Variants in SKA2 observed in about 807,000 individuals in gnomAD.
SKA2 encodes spindle and kinetochore-associated protein 2.
Under a neutral mutation model 16.9 loss-of-function variants are expected in SKA2, and 13 were observed. That is an observed-to-expected ratio of 0.77 (90% CI 0.50 to 1.22). The LOEUF (loss-of-function observed/expected upper bound fraction) is 1.22. SKA2 is among the 50% of genes most tolerant of loss of function. The pLI, the probability that SKA2 is intolerant of heterozygous loss-of-function variation, is 0.00. For missense variants in SKA2, 107 were observed against 139.7 expected (o/e 0.77, Z 1.18); for synonymous variants, 47 against 48.5 (o/e 0.97, Z 0.13).
chr17:59,154,715 T>C (rs149165798), intron 1 of SKA2, among the ~76,000 whole-genome samples: 2,122 of 152,332 alleles, frequency 0.014, 64 homozygotes, highest in African/African-American at 0.049. Flanking sequence ...CCCGTCAGTT[T>C]ATTCCCCACC....
intron 2 of SKA2, among the ~76,000 whole-genome samples, chr17:59,130,277 T>C (rs1222551854): frequency 6.6e-6 from 1 of 151,840 alleles, no homozygotes; most frequent in Non-Finnish European, 1.5e-5. Context: ...TTTTTTTAAC[T>C]GTAAAATGCA....
intron 1 of SKA2, among the ~76,000 whole-genome samples, chr17:59,133,350 T>C (rs558639096): frequency 1.2e-4 from 18 of 152,316 alleles, no homozygotes; most frequent in African/African-American, 4.3e-4. Flanking sequence ...CCTTAAAGCA[T>C]ATATTGCCTC....
intron 1 of SKA2, among the ~76,000 whole-genome samples, chr17:59,148,609 G>A (rs2046552019): frequency 6.6e-6 from 1 of 151,708 alleles, no homozygotes; most frequent in African/African-American, 2.4e-5. Flanking sequence ...CTGTAGAGAT[G>A]AGGGGGTTTT....
chr17:59,142,795 T>A lies in SKA2; in HGVS notation c.34-11428A>T, dbSNP rs181496319. ...TACAAAAATTAGTCAGGTGTGGTGGTGGGCACCTGTAATCCCAGCTACTCG... is the reference window on the plus strand; with the variant it reads ...TACAAAAATTAGTCAGGTGTGGTGGAGGGCACCTGTAATCCCAGCTACTCG... On this transcript the variant is annotated intron_variant, in intron 1 of 3. Transcript: ENST00000330137. Among the ~76,000 whole-genome samples, 64 of 151,208 alleles carry A rather than the reference T, an allele frequency of 4.2e-4. No individual in the cohort carries two copies. The East Asian group carries it at 7.1e-3, about 17-fold the overall frequency.
intron 2 of SKA2, among the ~76,000 whole-genome samples, chr17:59,127,536 G>A (rs2046379936): frequency 6.6e-6 from 1 of 151,930 alleles, no homozygotes; most frequent in Non-Finnish European, 1.5e-5. Context: ...TTACAGGCTC[G>A]TGCCACCACG....
At chr17:59,115,930 C>A (rs1448476793) in intron 3 of SKA2, among the ~76,000 whole-genome samples, 1 of 151,974 alleles carries the variant, frequency 6.6e-6, no homozygotes, top group Admixed American at 6.6e-5. Flanking sequence ...CATAGAATAC[C>A]ACATATTCTA....
At chr17:59,132,918 G>A (rs963450154) in intron 1 of SKA2, among the ~76,000 whole-genome samples, 1 of 152,170 alleles carries the variant, frequency 6.6e-6, no homozygotes, top group African/African-American at 2.4e-5. Flanking sequence ...GCCTCTTTTT[G>A]TAAAAGAGAT....
At chr17:59,124,732 T>C (rs1568303667) in intron 2 of SKA2, among the ~76,000 whole-genome samples, 2 of 151,674 alleles carry the variant, frequency 1.3e-5, no homozygotes, top group South Asian at 2.1e-4. Context: ...TAAATGGCCA[T>C]AGAGCTAAAA....
At chr17:59,130,873 C>T (rs2147806480) in intron 2 of SKA2, among the ~76,000 whole-genome samples, 1 of 152,190 alleles carries the variant, frequency 6.6e-6, no homozygotes, top group Admixed American at 6.5e-5. Flanking sequence ...CTAGAAATCA[C>T]TATTCATAAA....
chr17:59,144,674 G>C (rs2046518441), intron 1 of SKA2, among the ~76,000 whole-genome samples: 1 of 152,082 alleles, frequency 6.6e-6, no homozygotes, highest in Non-Finnish European at 1.5e-5. Flanking sequence ...ATAATAAAAA[G>C]ACAAATACTG....
At position 59,112,727 on chromosome 17, in the gene SKA2, G is replaced by A. The variant is rs1017613515; in HGVS notation, c.298-382C>T. On this transcript the variant is annotated intron_variant, in intron 3 of 3. Coordinates refer to ENST00000330137, the MANE Select transcript of SKA2 (RefSeq NM_182620.4). Reference sequence around the variant, plus strand: ...GCTCAAGTCCCTTATATAAAACTGCGTAGTATTTGCATAGAAACTATACAT... The same window carrying A: ...GCTCAAGTCCCTTATATAAAACTGCATAGTATTTGCATAGAAACTATACAT... 5.9e-5 allele frequency among the ~76,000 whole-genome samples: 9 copies of A among 152,028 alleles called. No individual in the cohort carries two copies. The South Asian group carries it at 6.2e-4, about 11-fold the overall frequency.
intron 1 of SKA2, among the ~76,000 whole-genome samples, chr17:59,146,842 T>A (rs770419148): frequency 7.9e-5 from 12 of 152,274 alleles, no homozygotes; most frequent in Middle Eastern, 3.4e-3. Flanking sequence ...TGTTTTTACT[T>A]TTATTTTTAG....
intron 2 of SKA2, among the ~76,000 whole-genome samples, chr17:59,121,016 G>T (rs975646044): frequency 6.6e-6 from 1 of 151,928 alleles, no homozygotes; most frequent in Admixed American, 6.6e-5. Context: ...GCTGGGCATT[G>T]TGGCGGGCAC....
chr17:59,110,890 A>G lies in SKA2; in HGVS notation c.*1387T>C, dbSNP rs954766145. On this transcript the variant is annotated 3_prime_UTR_variant, in exon 4 of 4. Coordinates refer to ENST00000330137, the MANE Select transcript of SKA2 (RefSeq NM_182620.4). ...GTTCTCACAACCCTGTTTTTCAGCT[A>G]TTATAAGTTTGTTAATGGACAAACA... The G allele has an allele frequency of 6.6e-6, 1 of 151,870 alleles. No individual in the cohort carries two copies. The highest frequency in any genetic ancestry group is 1.5e-5 in the Non-Finnish European group (1 of 68,010). 9.4% of individuals were successfully genotyped at this position (151,870 alleles called of 1,614,324 possible).
intron 1 of SKA2, among the ~76,000 whole-genome samples, chr17:59,143,764 G>A (rs560398412): frequency 2.0e-5 from 3 of 152,172 alleles, no homozygotes; most frequent in South Asian, 2.1e-4. Context: ...GAGCCACCAC[G>A]CCTGGCCCCA....
intron 1 of SKA2, among the ~76,000 whole-genome samples, chr17:59,139,994 C>A (rs1169751690): frequency 1.3e-5 from 2 of 152,158 alleles, no homozygotes; most frequent in Non-Finnish European, 2.9e-5. Flanking sequence ...AGCTAAGGAC[C>A]ACTTATATCA....
chr17:59,152,149 A>G (rs757980010), intron 1 of SKA2, among the ~76,000 whole-genome samples: 8 of 152,224 alleles, frequency 5.3e-5, no homozygotes, highest in Non-Finnish European at 1.0e-4. Flanking sequence ...CACTAGTAGT[A>G]CCACGAAAGA....
At chr17:59,118,226 A>G (rs1291237971) in intron 3 of SKA2, 2 of 152,576 alleles carry the variant, frequency 1.3e-5, no homozygotes, top group East Asian at 3.8e-4. Flanking sequence ...AGATGGTGCC[A>G]TTGCACTCCA....
At chr17:59,131,900 A>G (rs2046414229) in intron 1 of SKA2, among the ~76,000 whole-genome samples, 1 of 152,222 alleles carries the variant, frequency 6.6e-6, no homozygotes, top group Non-Finnish European at 1.5e-5. Context: ...TACATATGAT[A>G]TGGGAGTAAC....
Sources: allele counts gnomAD v4.1 joint callset (sites outside exome capture counted in the v4.1 genomes callset), GRCh38; gene constraint gnomAD v4.1.1; transcripts MANE v1.5; gene names NCBI Gene and HGNC (gene_info 2026-07-23, HGNC 2026-07-21).